NELL1: variants seen among roughly 807,000 people sequenced by gnomAD.
The protein encoded by NELL1 is protein kinase C-binding protein NELL1.
NELL1 carries 76 observed loss-of-function variants against 107.4 expected under a neutral mutation model. The observed-to-expected ratio is 0.71, with a 90% CI of 0.59 to 0.86. NELL1 has a LOEUF of 0.86. Among genes scored for constraint, NELL1 ranks in the 40% least tolerant of loss-of-function variants. The pLI is 0.00. For missense variants in NELL1, 1,024 were observed against 1,005.5 expected (o/e 1.02, Z -0.25); for synonymous variants, 353 against 341.2 (o/e 1.03, Z -0.38).
At chr11:21,033,249 T>A in intron 12 of NELL1, among the ~76,000 whole-genome samples, 1 of 152,222 alleles carries the variant, frequency 6.6e-6, no homozygotes, top group East Asian at 1.9e-4. Flanking sequence ...GATTGGTGAT[T>A]GTCATAAAAT....
At chr11:21,523,604 C>T (rs1855780596) in intron 15 of NELL1, among the ~76,000 whole-genome samples, 1 of 152,118 alleles carries the variant, frequency 6.6e-6, no homozygotes, top group Non-Finnish European at 1.5e-5. Flanking sequence ...CTGGTATTCT[C>T]TGCAGAACTT....
chr11:20,974,586 G>C (rs1851566767), intron 12 of NELL1, among the ~76,000 whole-genome samples: 1 of 151,540 alleles, frequency 6.6e-6, no homozygotes, highest in Non-Finnish European at 1.5e-5. Flanking sequence ...TTGTTTTTCT[G>C]ATACACCAAC....
At chr11:21,405,842 G>A (rs925211117) in intron 15 of NELL1, among the ~76,000 whole-genome samples, 1 of 151,840 alleles carries the variant, frequency 6.6e-6, no homozygotes, top group African/African-American at 2.4e-5. Flanking sequence ...TTGCAAGCCT[G>A]CCCCTTGCAA....
At chr11:20,816,098 G>A (rs1175633313) in intron 3 of NELL1, among the ~76,000 whole-genome samples, 2 of 152,086 alleles carry the variant, frequency 1.3e-5, no homozygotes, top group South Asian at 4.1e-4. Context: ...GATGCCTTCA[G>A]CTTTGTTCTT....
intron 2 of NELL1, among the ~76,000 whole-genome samples, chr11:20,690,999 G>A (rs377084933): frequency 7.9e-5 from 12 of 151,926 alleles, no homozygotes; most frequent in Non-Finnish European, 1.2e-4. Context: ...GGTCCTTCAC[G>A]TCCCTTTTAA....
intron 14 of NELL1, among the ~76,000 whole-genome samples, chr11:21,340,155 T>A (rs917193091): frequency 6.6e-6 from 1 of 152,146 alleles, no homozygotes; most frequent in Non-Finnish European, 1.5e-5. Context: ...TTGTTTTTGC[T>A]TTTGTTTTTG....
At chr11:20,997,913 A>G (rs1212105807) in intron 12 of NELL1, among the ~76,000 whole-genome samples, 2 of 152,190 alleles carry the variant, frequency 1.3e-5, no homozygotes, top group Non-Finnish European at 2.9e-5. Flanking sequence ...TCTAAATTTC[A>G]GTGAGCCATG....
chr11:21,306,243 C>G (rs958977137), intron 14 of NELL1, among the ~76,000 whole-genome samples: 4 of 151,952 alleles, frequency 2.6e-5, no homozygotes, highest in Non-Finnish European at 2.9e-5. Flanking sequence ...AACAATTAAT[C>G]AATTTATTGG....
chr11:20,818,509 A>G (rs1439493301), intron 3 of NELL1, among the ~76,000 whole-genome samples: 1 of 151,520 alleles, frequency 6.6e-6, no homozygotes, highest in African/African-American at 2.4e-5. Flanking sequence ...TGGCAGAGCC[A>G]CAATGCAAAA....
intron 3 of NELL1, among the ~76,000 whole-genome samples, chr11:20,841,118 C>A (rs1251504237): frequency 6.6e-6 from 1 of 152,114 alleles, no homozygotes; most frequent in Non-Finnish European, 1.5e-5. Flanking sequence ...TTGTTTACTT[C>A]CCAGTTCAAT....
At chr11:20,785,071 A>G (rs1856926970) in intron 3 of NELL1, among the ~76,000 whole-genome samples, 1 of 152,196 alleles carries the variant, frequency 6.6e-6, no homozygotes, top group Non-Finnish European at 1.5e-5. Flanking sequence ...GTAAGGGAAG[A>G]AGGGTGTTAC....
chr11:20,986,242 T>C (rs1259246720), intron 12 of NELL1, among the ~76,000 whole-genome samples: 1 of 152,152 alleles, frequency 6.6e-6, no homozygotes, highest in Non-Finnish European at 1.5e-5. Flanking sequence ...AAAGAGAATA[T>C]GTTAGATCAG....
At chr11:21,117,804 G>A (rs1855273230) in intron 13 of NELL1, among the ~76,000 whole-genome samples, 1 of 151,926 alleles carries the variant, frequency 6.6e-6, no homozygotes, top group Non-Finnish European at 1.5e-5. Flanking sequence ...AGATCCTGGA[G>A]GCCCTCCATC....
At chr11:21,022,518 C>T (rs1310088018) in intron 12 of NELL1, among the ~76,000 whole-genome samples, 3 of 152,102 alleles carry the variant, frequency 2.0e-5, no homozygotes, top group African/African-American at 4.8e-5. Flanking sequence ...AAAGTTGCAT[C>T]AGTTGCTTTA....
intron 15 of NELL1, among the ~76,000 whole-genome samples, chr11:21,522,172 T>C (rs1855741782): frequency 6.6e-6 from 1 of 151,082 alleles, no homozygotes; most frequent in African/African-American, 2.4e-5. Context: ...AGGCGGAGCT[T>C]GCAGTGAGCC....
At chr11:21,163,167 A>G (rs1045785626) in intron 13 of NELL1, among the ~76,000 whole-genome samples, 2 of 152,104 alleles carry the variant, frequency 1.3e-5, no homozygotes, top group Admixed American at 1.3e-4. Flanking sequence ...ATTTCAAGTA[A>G]ATTGGTGTCA....
intron 12 of NELL1, among the ~76,000 whole-genome samples, chr11:20,962,047 T>A (rs1851302081): frequency 6.6e-6 from 1 of 151,942 alleles, no homozygotes; most frequent in South Asian, 2.1e-4. Context: ...ATATAATAAT[T>A]TTGTCTTCTT....
chr11:20,863,186 GC>G (rs1849013575), intron 4 of NELL1, among the ~76,000 whole-genome samples: 1 of 137,082 alleles, frequency 7.3e-6, no homozygotes. Flanking sequence ...CCGGGCAGAG[GC>G]GCCCCTCACC....
At chr11:20,860,055 G>A (rs1848951621) in intron 4 of NELL1, among the ~76,000 whole-genome samples, 1 of 152,046 alleles carries the variant, frequency 6.6e-6, no homozygotes, top group Non-Finnish European at 1.5e-5. Context: ...CCTTGCATTG[G>A]TTTCTGCCTT....
Sources: allele counts gnomAD v4.1 joint callset (sites outside exome capture counted in the v4.1 genomes callset), GRCh38; gene constraint gnomAD v4.1.1; transcripts MANE v1.5; gene names NCBI Gene and HGNC (gene_info 2026-07-23, HGNC 2026-07-21).